BRWD3: variants seen among roughly 807,000 people sequenced by gnomAD.
The protein encoded by BRWD3 is bromodomain and WD repeat domain containing 3.
Under a neutral mutation model 149.7 loss-of-function variants are expected in BRWD3, and 10 were observed. That is an observed-to-expected ratio of 0.07 (90% CI 0.04 to 0.11). BRWD3 has a LOEUF of 0.11. Among genes scored for constraint, BRWD3 ranks in the 10% least tolerant of loss-of-function variants. The pLI, the probability that BRWD3 is intolerant of heterozygous loss-of-function variation, is 1.00. For missense variants in BRWD3, 940 were observed against 1,373.2 expected, an observed-to-expected ratio of 0.68 and a Z score of 4.99; for synonymous variants, 504 against 456.7, an observed-to-expected ratio of 1.10 and a Z score of -1.32.
intron 17 of BRWD3, among the ~76,000 whole-genome samples, chrX:80,721,715 T>C (rs1225290346): frequency 8.9e-6 from 1 of 112,132 alleles, no homozygotes; most frequent in African/African-American, 3.2e-5. Context: ...ATCACATTCA[T>C]CTCTGCTTTT....
chrX:80,710,046 C>T, intron 20 of BRWD3: 3 of 1,098,580 alleles, frequency 2.7e-6, no homozygotes, highest in Non-Finnish European at 3.8e-6. Context: ...AAAACCCATG[C>T]AGTATTGGTT....
intron 12 of BRWD3, among the ~76,000 whole-genome samples, chrX:80,732,462 C>T (rs766094364): frequency 9.0e-6 from 1 of 110,723 alleles, no homozygotes; most frequent in Non-Finnish European, 1.9e-5. Context: ...CAACTAAAAG[C>T]TGGAACATTC....
intron 38 of BRWD3, 33 bp from the exon 39 acceptor site, chrX:80,682,127 T>C (rs757301287): frequency 8.9e-7 from 1 of 1,127,018 alleles, no homozygotes; most frequent in South Asian, 1.8e-5. Flanking sequence ...ACGAGCATTT[T>C]TTTTTTTCTG....
At chrX:80,745,755 A>T in intron 6 of BRWD3, 26 bp from the exon 7 acceptor site, 1 of 1,162,978 alleles carries the variant, frequency 8.6e-7, no homozygotes, top group Non-Finnish European at 1.2e-6. Context: ...AATTAACTTA[A>T]AACTTAAAAG....
intron 20 of BRWD3, among the ~76,000 whole-genome samples, chrX:80,713,073 G>T (rs1438909530): frequency 2.0e-4 from 22 of 107,922 alleles, no homozygotes; most frequent in African/African-American, 7.5e-4. Context: ...AGTTGGGGGG[G>T]TCAGCCCCCT....
intron 26 of BRWD3, 36 bp downstream of exon 26, chrX:80,696,703 A>T (rs754090837): frequency 5.8e-6 from 7 of 1,200,878 alleles, no homozygotes; most frequent in Non-Finnish European, 7.9e-6. Flanking sequence ...ATTAAAATAC[A>T]CACACTCAAA....
chrX:80,698,449 C>T (rs925777761), intron 25 of BRWD3, among the ~76,000 whole-genome samples: 34 of 111,613 alleles, frequency 3.0e-4, no homozygotes, highest in African/African-American at 1.0e-3. Flanking sequence ...TAGCTCATTC[C>T]TGTAATCCCA....
intron 20 of BRWD3, among the ~76,000 whole-genome samples, chrX:80,715,637 G>A (rs749139449): frequency 8.9e-6 from 1 of 112,312 alleles, no homozygotes; most frequent in Admixed American, 9.4e-5. Flanking sequence ...AAGGACCAAA[G>A]TGTAAACATT....
Position 80,750,893 on chromosome X carries a change from C to CACACACAT in BRWD3, c.431-5165_431-5164insATGTGTGT, listed in dbSNP as rs1555977578. Among the ~76,000 whole-genome samples, 262 of 107,127 alleles carry CACACACAT rather than the reference C, an allele frequency of 2.4e-3. 2 individuals are homozygous for CACACACAT. Among genetic ancestry groups the CACACACAT allele is most frequent in the African/African-American group, 8.8e-3 (258 of 29,421 alleles). The allele number at this position is 107,127 out of a possible 115,157, so 93.0% of individuals were successfully genotyped here. On this transcript the variant is annotated intron_variant, in intron 6 of 40. Transcript: ENST00000373275. Reference sequence around the variant, plus strand: ...ACACACACACACACACACACACACACGCAAAAATCATTAAGTCTTATAAAG... The same window carrying CACACACAT: ...ACACACACACACACACACACACACACACACACATGCAAAAATCATTAAGTCTTATAAAG...
intron 8 of BRWD3, among the ~76,000 whole-genome samples, chrX:80,740,658 A>G (rs1384823043): frequency 8.9e-6 from 1 of 111,975 alleles, no homozygotes; most frequent in Non-Finnish European, 1.9e-5. Flanking sequence ...TGGAGGTGGG[A>G]AGATCACTTG....
At chrX:80,723,481 G>A (rs2073178583) in intron 16 of BRWD3, among the ~76,000 whole-genome samples, 1 of 110,585 alleles carries the variant, frequency 9.0e-6, no homozygotes. Context: ...ATACCTGGAA[G>A]GCAGGTATAA....
chrX:80,704,795 T>C lies in BRWD3; in HGVS notation c.2604A>G (p.Leu868=), dbSNP rs576458274. 6 of 1,209,798 alleles carry C rather than the reference T, an allele frequency of 5.0e-6. No individual in the cohort carries two copies. The highest frequency in any genetic ancestry group is 5.9e-5 in the East Asian group (2 of 33,773). Residue 868 remains leucine (L), a synonymous_variant, in exon 23 of 41, where the codon TTA becomes TTG. Coordinates refer to ENST00000373275, the MANE Select transcript of BRWD3 (RefSeq NM_153252.5). The part of the protein sequence containing the change: ...SDWTADAGIN[L]QPPKRQTRQT... ...GTCTGGTTTGTCTTTTTGGGGGTTG[T>C]AAATTTATTCCAGCATCTGCTGTCC...
intron 6 of BRWD3, among the ~76,000 whole-genome samples, chrX:80,782,089 T>G (rs2074063228): frequency 9.0e-6 from 1 of 111,538 alleles, no homozygotes; most frequent in African/African-American, 3.3e-5. Context: ...AGAAATCACT[T>G]ACCTGATTTC....
chrX:80,711,499 A>G (rs920041649), intron 20 of BRWD3, among the ~76,000 whole-genome samples: 5 of 112,408 alleles, frequency 4.4e-5, no homozygotes, highest in Non-Finnish European at 9.4e-5. Context: ...GCTGTCTTAA[A>G]ATCAACATTC....
At chrX:80,712,840 C>T (rs1429771127) in intron 20 of BRWD3, among the ~76,000 whole-genome samples, 1 of 107,492 alleles carries the variant, frequency 9.3e-6, no homozygotes, top group Non-Finnish European at 1.9e-5. Flanking sequence ...GCCCAGCCGC[C>T]CCGTCTGAGA....
intron 6 of BRWD3, among the ~76,000 whole-genome samples, chrX:80,786,532 ATG>A (rs1555985141): frequency 9.2e-6 from 1 of 109,085 alleles, no homozygotes; most frequent in African/African-American, 3.3e-5. Context: ...ATATATATAT[ATG>A]GAGTCTTGCT....
intron 6 of BRWD3, among the ~76,000 whole-genome samples, chrX:80,788,778 T>C (rs983739942): frequency 1.8e-5 from 2 of 112,029 alleles, no homozygotes; most frequent in African/African-American, 6.5e-5. Context: ...AGAAATGAAC[T>C]ACTGACACAT....
At chrX:80,710,785 T>C in intron 20 of BRWD3, 1 of 421,586 alleles carries the variant, frequency 2.4e-6, no homozygotes, top group Non-Finnish European at 4.4e-6. Context: ...TAATCATCAG[T>C]AGAATGGTGG....
At chrX:80,802,961 C>T (rs1427456679) in intron 4 of BRWD3, among the ~76,000 whole-genome samples, 2 of 109,703 alleles carry the variant, frequency 1.8e-5, no homozygotes, top group Non-Finnish European at 3.8e-5. Flanking sequence ...AAAAATTAGC[C>T]GGGCGTAGCG....
Sources: allele counts gnomAD v4.1 joint callset (sites outside exome capture counted in the v4.1 genomes callset), GRCh38; gene constraint gnomAD v4.1.1; transcripts MANE v1.5; gene names NCBI Gene and HGNC (gene_info 2026-07-23, HGNC 2026-07-21).